Variants in NCOA1 observed in about 807,000 individuals in gnomAD.
The protein encoded by NCOA1 is Hin-2 protein.
In NCOA1, 35 loss-of-function variants were observed where a neutral mutation model predicts 150.9. The observed-to-expected ratio is 0.23, with a 90% confidence interval of 0.18 to 0.31. NCOA1 has a LOEUF of 0.31. NCOA1 is among the 10% of genes least tolerant of loss of function. NCOA1 has a pLI of 1.00. For synonymous variants in NCOA1, 590 were observed against 630.0 expected (o/e 0.94, Z 0.95); for missense variants, 1,491 against 1,749.3 (o/e 0.85, Z 2.63).
chr2:24,585,520 A>C (rs1667366324), intron 3 of NCOA1, among the ~76,000 whole-genome samples: 1 of 152,074 alleles, frequency 6.6e-6, no homozygotes, highest in African/African-American at 2.4e-5. Flanking sequence ...CATAATGGCA[A>C]TCTAAAAGAT....
intron 1 of NCOA1, among the ~76,000 whole-genome samples, chr2:24,554,008 C>G (rs559632268): frequency 6.6e-6 from 1 of 152,270 alleles, no homozygotes; most frequent in Admixed American, 6.5e-5. Context: ...AGAATATTCC[C>G]TAATTATCCC....
intron 3 of NCOA1, among the ~76,000 whole-genome samples, chr2:24,618,220 T>A (rs1254898743): frequency 3.3e-5 from 5 of 152,162 alleles, no homozygotes; most frequent in African/African-American, 1.2e-4. Flanking sequence ...CTTGTTGAAT[T>A]AGTTTAATAA....
intron 6 of NCOA1, among the ~76,000 whole-genome samples, 159 bp downstream of exon 6, chr2:24,666,074 C>T (rs1198414805): frequency 3.3e-5 from 5 of 151,396 alleles, no homozygotes; most frequent in Admixed American, 1.3e-4. Context: ...TGCAGTGGTG[C>T]GATCTCGGCT....
At chr2:24,666,223 C>G (rs1368363097) in intron 6 of NCOA1, among the ~76,000 whole-genome samples, 2 of 151,862 alleles carry the variant, frequency 1.3e-5, no homozygotes, top group African/African-American at 4.8e-5. Flanking sequence ...ACCATGTTAG[C>G]CAGGATGGTC....
At position 24,755,175 on chromosome 2, in the gene NCOA1, T is replaced by C. The variant is rs146105749; in HGVS notation, c.3882-2798T>C. Among the ~76,000 whole-genome samples, 609 of 152,268 alleles carry C rather than the reference T, an allele frequency of 4.0e-3. 7 individuals are homozygous for C. Among genetic ancestry groups the C allele is most frequent in the African/African-American group, 0.013 (551 of 41,542 alleles). On this transcript the variant is annotated intron_variant, in intron 20 of 22. Coordinates refer to ENST00000348332, the MANE Select transcript of NCOA1 (RefSeq NM_003743.5). ...TGGTGAGGGGGCAGGTCAGAGAGAA[T>C]TAAAACATGAAACAGTCAGAGAACC...
chr2:24,635,711 G>A (rs1258098796), intron 3 of NCOA1, among the ~76,000 whole-genome samples: 3 of 152,084 alleles, frequency 2.0e-5, no homozygotes, highest in Admixed American at 6.5e-5. Flanking sequence ...AATGTTTTAG[G>A]GCACTAAGTT....
At chr2:24,552,321 T>TTTTA (rs1262879918) in intron 1 of NCOA1, among the ~76,000 whole-genome samples, 2 of 30,584 alleles carry the variant, frequency 6.5e-5, no homozygotes, top group African/African-American at 1.6e-4. Context: ...TTCATATATA[T>TTTTA]TATATATATA....
chr2:24,693,964 G>C (rs930307148), intron 10 of NCOA1, among the ~76,000 whole-genome samples: 5 of 152,182 alleles, frequency 3.3e-5, no homozygotes, highest in Admixed American at 1.3e-4. Flanking sequence ...CCCAAAGGAT[G>C]AAGTGGTGCC....
intron 2 of NCOA1, among the ~76,000 whole-genome samples, chr2:24,570,834 A>G (rs62142286): frequency 0.15 from 22,827 of 152,238 alleles, 2,060 homozygotes; most frequent in Non-Finnish European, 0.2. Context: ...TCTTAGAGAC[A>G]TATGTCTTGT....
chr2:24,572,542 A>T (rs547910258), intron 2 of NCOA1, among the ~76,000 whole-genome samples: 1 of 152,182 alleles, frequency 6.6e-6, no homozygotes, highest in Non-Finnish European at 1.5e-5. Context: ...TTTCATTCAT[A>T]TGAGAGAAGG....
At chr2:24,532,694 A>G (rs996098850) in intron 1 of NCOA1, among the ~76,000 whole-genome samples, 1 of 152,218 alleles carries the variant, frequency 6.6e-6, no homozygotes, top group African/African-American at 2.4e-5. Context: ...TCCCAGCACC[A>G]TTTATTAAAT....
At position 24,719,035 on chromosome 2, in the gene NCOA1, A is replaced by C. The variant is rs1674217682; in HGVS notation, c.2600-7554A>C. Among the ~76,000 whole-genome samples, 3 of 149,740 alleles carry C rather than the reference A, an allele frequency of 2.0e-5. No individual in the cohort carries two copies. The South Asian group carries it at 6.3e-4, about 31-fold the overall frequency. ...CAAAGTGAGACTCTGTCCCAAAAAA[A>C]AAAAAAAAAAAAAAAAAAAACCCCA... On this transcript the variant is annotated intron_variant, in intron 14 of 22. Transcript: ENST00000348332.
intron 4 of NCOA1, among the ~76,000 whole-genome samples, chr2:24,648,263 A>T (rs1005272410): frequency 6.8e-6 from 1 of 146,090 alleles, no homozygotes; most frequent in African/African-American, 2.5e-5. Flanking sequence ...GTCAGTGAAG[A>T]TTGGCTCATA....
chr2:24,637,391 C>T (rs959818650), intron 3 of NCOA1, among the ~76,000 whole-genome samples: 2 of 151,702 alleles, frequency 1.3e-5, no homozygotes, highest in Non-Finnish European at 2.9e-5. Context: ...CACATGCACA[C>T]GTATGTTTAT....
At chr2:24,536,051 A>G (rs1391289616) in intron 1 of NCOA1, among the ~76,000 whole-genome samples, 1 of 152,214 alleles carries the variant, frequency 6.6e-6, no homozygotes, top group African/African-American at 2.4e-5. Flanking sequence ...GCATTTTCCA[A>G]CTTGGTTCCA....
At chr2:24,754,851 A>G (rs1454789186) in intron 20 of NCOA1, among the ~76,000 whole-genome samples, 1 of 152,212 alleles carries the variant, frequency 6.6e-6, no homozygotes, top group Admixed American at 6.5e-5. Flanking sequence ...AATACTCCCT[A>G]AGTCAACATC....
intron 14 of NCOA1, among the ~76,000 whole-genome samples, chr2:24,716,950 C>T (rs1443285199): frequency 6.6e-6 from 1 of 152,014 alleles, no homozygotes; most frequent in East Asian, 1.9e-4. Context: ...AAACAAAGAA[C>T]TCTTAAAATG....
intron 6 of NCOA1, among the ~76,000 whole-genome samples, chr2:24,670,256 A>G (rs144813216): frequency 2.2e-3 from 335 of 152,352 alleles, no homozygotes; most frequent in African/African-American, 7.8e-3. Flanking sequence ...CAGTTTCTCA[A>G]CTGGAGGAGA....
At chr2:24,704,719 G>A (rs529248606) in intron 11 of NCOA1, among the ~76,000 whole-genome samples, 2 of 152,098 alleles carry the variant, frequency 1.3e-5, no homozygotes, top group African/African-American at 2.4e-5. Context: ...GTTGCAGTGA[G>A]CCGAGATCGT....
Sources: allele counts gnomAD v4.1 joint callset (sites outside exome capture counted in the v4.1 genomes callset), GRCh38; gene constraint gnomAD v4.1.1; transcripts MANE v1.5; gene names NCBI Gene and HGNC (gene_info 2026-07-23, HGNC 2026-07-21).